Variants in DEK observed in about 807,000 individuals in gnomAD.
DEK encodes protein DEK.
DEK carries 28 observed loss-of-function variants against 46.8 expected under a neutral mutation model. That is an observed-to-expected ratio of 0.60 (90% confidence interval 0.44 to 0.82). The LOEUF (loss-of-function observed/expected upper bound fraction) is 0.82. Ranked by LOEUF, DEK falls within the 40% of genes least tolerant of loss-of-function variation. The pLI, the probability that DEK is intolerant of heterozygous loss-of-function variation, is 0.00. For missense variants in DEK, 416 were observed against 430.6 expected (o/e 0.97, Z 0.30); for synonymous variants, 160 against 144.5 (o/e 1.11, Z -0.77).
chr6:18,260,772 G>A (rs191480391), intron 2 of DEK, among the ~76,000 whole-genome samples: 6 of 152,096 alleles, frequency 3.9e-5, no homozygotes, highest in South Asian at 2.1e-4. Context: ...AGGCAGAGAC[G>A]GGCAGGTCAC....
chr6:18,225,519 A>C lies in DEK; in HGVS notation c.*200T>G, dbSNP rs1399081733. ...ACAATTAATGCCATGCAAGATTTTA[A>C]ACTAAAAATGGCATAGAAATGCAAT... On this transcript the variant is annotated 3_prime_UTR_variant, in exon 11 of 11. Transcript: ENST00000652689. 19 of 503,530 alleles carry C rather than the reference A, an allele frequency of 3.8e-5. No individual in the cohort carries two copies. Among genetic ancestry groups the C allele is most frequent in the East Asian group, 1.9e-4 (6 of 31,686 alleles). 31.2% of individuals were successfully genotyped at this position (503,530 alleles called of 1,614,324 possible).
At chr6:18,250,031 T>C (rs1791300286) in intron 6 of DEK, among the ~76,000 whole-genome samples, 192 bp from the exon 7 acceptor site, 1 of 152,180 alleles carries the variant, frequency 6.6e-6, no homozygotes, top group African/African-American at 2.4e-5. Flanking sequence ...CCATTTGTGT[T>C]CTAAACACCT....
intron 9 of DEK, 124 bp from the exon 10 acceptor site, chr6:18,226,366 G>C: frequency 1.3e-6 from 1 of 777,798 alleles, no homozygotes; most frequent in Non-Finnish European, 1.8e-6. Context: ...ACAGTACTCT[G>C]GTTAACCCAT....
At chr6:18,245,592 G>C (rs957687638) in intron 7 of DEK, among the ~76,000 whole-genome samples, 2 of 152,180 alleles carry the variant, frequency 1.3e-5, no homozygotes, top group African/African-American at 4.8e-5. Context: ...AGATGAAAAA[G>C]AAATAAAATA....
intron 7 of DEK, among the ~76,000 whole-genome samples, chr6:18,238,403 A>G (rs1253516686): frequency 6.6e-6 from 1 of 152,110 alleles, no homozygotes; most frequent in South Asian, 2.1e-4. Flanking sequence ...AAATATGGAT[A>G]GATTAAAATG....
At position 18,264,420 on chromosome 6, in the gene DEK, G is replaced by C. The variant is rs1472154694; in HGVS notation, c.-45C>G. 2 of 265,584 alleles carry C rather than the reference G, an allele frequency of 7.5e-6. No individual in the cohort carries two copies. The highest frequency in any genetic ancestry group is 1.5e-5 in the Non-Finnish European group (2 of 129,148). 16.5% of individuals were successfully genotyped at this position (265,584 alleles called of 1,614,324 possible). ...GGCCGCCGCGGGCCTGGCACGCGAGGGCACGAGGAGGTTCTGGGAGGCGGC... is the reference window on the plus strand; with the variant it reads ...GGCCGCCGCGGGCCTGGCACGCGAGCGCACGAGGAGGTTCTGGGAGGCGGC... On this transcript the variant is annotated 5_prime_UTR_variant, in exon 1 of 11. Transcript: ENST00000652689.
At chr6:18,228,731 G>A (rs141219902) in intron 9 of DEK, among the ~76,000 whole-genome samples, 10 of 152,324 alleles carry the variant, frequency 6.6e-5, no homozygotes, top group Admixed American at 1.3e-4. Context: ...ATTATATCCC[G>A]CGCCTGGCTC....
chr6:18,238,337 A>G (rs1425313462), intron 7 of DEK, among the ~76,000 whole-genome samples: 1 of 152,238 alleles, frequency 6.6e-6, no homozygotes, highest in Non-Finnish European at 1.5e-5. Context: ...ATGTGACTCC[A>G]GAACTTGTGT....
In DEK at chr6:18,253,247, G is replaced by C. The variant is rs565070349; in HGVS notation, c.573+2484C>G. ...ATGGCTAACTCAGACTTAGGTATTT[G>C]ATAGAGATGTTTTCAAACATGAACA... On this transcript the variant is annotated intron_variant, in intron 6 of 10. Transcript: ENST00000652689. 1.2e-4 allele frequency among the ~76,000 whole-genome samples: 18 copies of C among 152,238 alleles called. No individual in the cohort carries two copies. In the South Asian group the frequency reaches 3.7e-3, roughly 32 times the overall value.
At chr6:18,244,488 C>A in intron 7 of DEK, 1 of 1,266,188 alleles carries the variant, frequency 7.9e-7, no homozygotes, top group South Asian at 1.3e-5. Flanking sequence ...CAAAAAAAAT[C>A]TTGGGAAAGC....
chr6:18,245,846 C>A (rs1314024619), intron 7 of DEK, among the ~76,000 whole-genome samples: 1 of 152,240 alleles, frequency 6.6e-6, no homozygotes, highest in Non-Finnish European at 1.5e-5. Context: ...TGGGAGGGAC[C>A]CAGTGGGAGG....
At chr6:18,248,671 T>A (rs923220164) in intron 7 of DEK, among the ~76,000 whole-genome samples, 5 of 152,144 alleles carry the variant, frequency 3.3e-5, no homozygotes, top group African/African-American at 4.8e-5. Flanking sequence ...AAGACAAACA[T>A]ACATACTAAA....
At chr6:18,259,224 C>G (rs1214534736) in intron 2 of DEK, among the ~76,000 whole-genome samples, 2 of 151,132 alleles carry the variant, frequency 1.3e-5, no homozygotes, top group Non-Finnish European at 2.9e-5. Context: ...GAAACCCCAT[C>G]TCTACTAAAA....
intron 6 of DEK, among the ~76,000 whole-genome samples, chr6:18,250,655 C>T (rs187940535): frequency 7.0e-6 from 1 of 143,526 alleles, no homozygotes; most frequent in African/African-American, 2.6e-5. Context: ...ACCATCACGC[C>T]CAGCTAATTT....
intron 9 of DEK, among the ~76,000 whole-genome samples, chr6:18,228,631 A>C (rs967801916): frequency 1.3e-5 from 2 of 152,156 alleles, no homozygotes; most frequent in African/African-American, 4.8e-5. Context: ...TAGCCAAAGG[A>C]AGCTGTGATA....
chr6:18,228,319 G>T (rs953317871), intron 9 of DEK, among the ~76,000 whole-genome samples: 17 of 152,090 alleles, frequency 1.1e-4, no homozygotes, highest in Admixed American at 5.2e-4. Context: ...AATGGATTTA[G>T]CCCACAGGCT....
At chr6:18,255,618 T>TGA in intron 6 of DEK, 113 bp downstream of exon 6, 1 of 1,253,630 alleles carries the variant, frequency 8.0e-7, no homozygotes, top group East Asian at 2.5e-5. Flanking sequence ...GTATAGTCTT[T>TGA]GAATGTAGAT....
intron 9 of DEK, among the ~76,000 whole-genome samples, 190 bp from the exon 10 acceptor site, chr6:18,226,432 T>G (rs1485609178): frequency 6.6e-6 from 1 of 152,234 alleles, no homozygotes; most frequent in East Asian, 1.9e-4. Context: ...TGTGGAAAAC[T>G]AGCATGCAAA....
intron 6 of DEK, among the ~76,000 whole-genome samples, chr6:18,255,464 GACT>G (rs1791558351): frequency 6.6e-6 from 1 of 152,060 alleles, no homozygotes; most frequent in Non-Finnish European, 1.5e-5. Flanking sequence ...ACCTAACCCT[GACT>G]ACTAGTACTT....
Sources: gnomAD v4.1 joint callset for allele counts (sites outside exome capture counted in the v4.1 genomes callset) on GRCh38, gnomAD v4.1.1 for gene constraint, MANE v1.5 for transcripts, NCBI Gene and HGNC (gene_info 2026-07-23, HGNC 2026-07-21) for gene names.